CDH23: variants seen among roughly 807,000 people sequenced by gnomAD.
CDH23 encodes cadherin-23.
Under a neutral mutation model 317.1 loss-of-function variants are expected in CDH23, and 189 were observed. The observed-to-expected ratio is 0.60, with a 90% CI of 0.53 to 0.67. The LOEUF (loss-of-function observed/expected upper bound fraction) is 0.67, where lower values mean the gene tolerates loss of function less well. Ranked by LOEUF, CDH23 falls within the 30% of genes least tolerant of loss-of-function variation. CDH23 has a pLI of 0.00. For missense variants in CDH23, 4,401 were observed against 4,592.4 expected (o/e 0.96, Z 1.20); for synonymous variants, 1,839 against 1,876.8 (o/e 0.98, Z 0.52).
At chr10:71,796,045 AGAGGAGGAGGAG>A (rs747095097) in intron 48 of CDH23, 4 of 986,494 alleles carry the variant, frequency 4.1e-6, no homozygotes, top group East Asian at 2.3e-4. Flanking sequence ...GAGAGTAGGA[AGAGGAGGAGGAG>A]GAGGAGGAGG....
At chr10:71,546,487 G>A (rs1027548459) in intron 6 of CDH23, among the ~76,000 whole-genome samples, 6 of 152,192 alleles carry the variant, frequency 3.9e-5, no homozygotes, top group African/African-American at 1.4e-4. Context: ...GGCTCTGGGA[G>A]CCCACAGAAG....
At chr10:71,559,152 C>A (rs749911446) in intron 6 of CDH23, among the ~76,000 whole-genome samples, 7 of 152,312 alleles carry the variant, frequency 4.6e-5, no homozygotes, top group Middle Eastern at 3.4e-3. Flanking sequence ...CTTCAGCTCA[C>A]CCGTCTCCTA....
At chr10:71,692,428 C>T (rs765282388) in intron 20 of CDH23, among the ~76,000 whole-genome samples, 2 of 152,194 alleles carry the variant, frequency 1.3e-5, no homozygotes, top group African/African-American at 2.4e-5. Context: ...CAGGGCTGCT[C>T]CACAGAGGTG....
At position 71,646,067 on chromosome 10, in the gene CDH23, C is replaced by G. The variant is rs575019489; in HGVS notation, c.1290+87C>G. 113 of 1,490,498 alleles carry G rather than the reference C, an allele frequency of 7.6e-5. No homozygotes were observed. In the African/African-American group the frequency reaches 1.3e-3, roughly 18 times the overall value. 92.3% of individuals were successfully genotyped at this position (1,490,498 alleles called of 1,614,324 possible). ...GGTAGGGTAGAAGATTCCCTTAGAT[C>G]CCACCTTCCACTGCTGCCCATCTTC... On this transcript the variant is annotated intron_variant, in intron 13 of 69. Coordinates refer to ENST00000224721, the MANE Select transcript of CDH23 (RefSeq NM_022124.6).
rs561896117 is a variant in CDH23, at chr10:71,397,563, A to G, written c.-6+245A>G. 6.6e-6 allele frequency among the ~76,000 whole-genome samples: 1 copy of G among 151,936 alleles called. No individual in the cohort carries two copies. Among genetic ancestry groups the G allele is most frequent in the Non-Finnish European group, 1.5e-5 (1 of 67,958 alleles). On this transcript the variant is annotated intron_variant, in intron 1 of 69. Coordinates refer to ENST00000224721, the MANE Select transcript of CDH23 (RefSeq NM_022124.6). This position sits in a 1 kb window ranked among gnomAD's most constrained non-coding sequence, Gnocchi z 4.8. ...TTTGATTCCTGGGAACTCGAATTCC[A>G]TTCGCGTTGGCCTTGGGAGGACAGG... is the stretch of plus-strand genomic sequence containing the variant.
At chr10:71,611,259 C>T (rs557680033) in intron 9 of CDH23, among the ~76,000 whole-genome samples, 5 of 152,310 alleles carry the variant, frequency 3.3e-5, no homozygotes, top group South Asian at 4.1e-4. Flanking sequence ...AGTTCCCCTC[C>T]GCACCCACCA....
At chr10:71,667,420 G>A (rs977702099) in intron 14 of CDH23, among the ~76,000 whole-genome samples, 3 of 151,536 alleles carry the variant, frequency 2.0e-5, no homozygotes, top group Non-Finnish European at 2.9e-5. Flanking sequence ...GAGGGGTGGA[G>A]GTGTGGGAGA....
intron 9 of CDH23, among the ~76,000 whole-genome samples, chr10:71,604,884 C>T (rs1178625495): frequency 2.2e-4 from 33 of 152,250 alleles, no homozygotes; most frequent in Admixed American, 2.2e-3. Flanking sequence ...TGAGCAAATT[C>T]CTTCCTTCAT....
At chr10:71,554,098 T>C (rs942028135) in intron 6 of CDH23, among the ~76,000 whole-genome samples, 1 of 152,256 alleles carries the variant, frequency 6.6e-6, no homozygotes, top group Non-Finnish European at 1.5e-5. Context: ...GCCAAAGATT[T>C]ACTGAGCACC....
rs116803085 is a variant in CDH23, at chr10:71,470,720, G to A, written c.145+24325G>A. ...GTTGTCTGGGCTGGTCTAACTCCTG[G>A]GCTGAAGTGATCCTCCCGCCTTGGC... On this transcript the variant is annotated intron_variant, in intron 3 of 69. Coordinates refer to ENST00000224721, the MANE Select transcript of CDH23 (RefSeq NM_022124.6). Among the ~76,000 whole-genome samples, 768 of 152,142 alleles carry A rather than the reference G, an allele frequency of 5.0e-3. 8 individuals carry two copies. Among genetic ancestry groups the A allele is most frequent in the African/African-American group, 0.018 (727 of 41,492 alleles).
chr10:71,408,891 G>A (rs909726328), intron 1 of CDH23, among the ~76,000 whole-genome samples: 5 of 152,232 alleles, frequency 3.3e-5, no homozygotes, highest in Admixed American at 6.5e-5. Flanking sequence ...TCAGAAGTCC[G>A]TGGTACTAAC....
chr10:71,588,923 C>T lies in CDH23; in HGVS notation c.832+10931C>T, dbSNP rs56031530. ...GAGCCAGATGGATTGTCTGCTCATC[C>T]CCCTGCTGCAGGCTGCACTTGGGAT... On this transcript the variant is annotated intron_variant, in intron 9 of 69. Transcript: ENST00000224721. Among the ~76,000 whole-genome samples, 369 of 152,308 alleles carry T rather than the reference C, an allele frequency of 2.4e-3. 3 individuals carry two copies. Among genetic ancestry groups the T allele is most frequent in the African/African-American group, 6.8e-3 (282 of 41,566 alleles).
intron 38 of CDH23, among the ~76,000 whole-genome samples, chr10:71,744,202 G>A (rs1202629619): frequency 6.6e-6 from 1 of 152,156 alleles, no homozygotes; most frequent in East Asian, 1.9e-4. Flanking sequence ...TGAGGAAGAA[G>A]TGGAGAATGG....
Position 71,783,788 on chromosome 10 carries a change from C to T in CDH23, c.5369-499C>T, listed in dbSNP as rs564263238. ...CCTCATCCGTCCCCTTCTGCCTGCCCGGTGCCTGCGCATTCACCATTAGCA... is the reference window on the plus strand; with the variant it reads ...CCTCATCCGTCCCCTTCTGCCTGCCTGGTGCCTGCGCATTCACCATTAGCA... On this transcript the variant is annotated intron_variant, in intron 41 of 69. Coordinates refer to ENST00000224721, the MANE Select transcript of CDH23 (RefSeq NM_022124.6). Among the ~76,000 whole-genome samples, 89 of 152,344 alleles carry T rather than the reference C, an allele frequency of 5.8e-4. No homozygotes were observed. In the Middle Eastern group the frequency reaches 0.031, roughly 52 times the overall value.
intron 6 of CDH23, among the ~76,000 whole-genome samples, chr10:71,562,769 A>AT (rs1219713790): frequency 6.6e-6 from 1 of 152,142 alleles, no homozygotes; most frequent in African/African-American, 2.4e-5. Context: ...CCTCATCTCC[A>AT]TTTTTTCTCC....
intron 7 of CDH23, among the ~76,000 whole-genome samples, chr10:71,570,051 G>A (rs550612765): frequency 2.0e-5 from 3 of 152,162 alleles, no homozygotes; most frequent in East Asian, 1.9e-4. Context: ...CAGATGCATC[G>A]TTGAGGTTTT....
At chr10:71,626,521 A>C (rs925985922) in intron 11 of CDH23, among the ~76,000 whole-genome samples, 1 of 152,192 alleles carries the variant, frequency 6.6e-6, no homozygotes, top group Non-Finnish European at 1.5e-5. Flanking sequence ...GCATCTGCTC[A>C]GTGGGAGAGA....
intron 18 of CDH23, among the ~76,000 whole-genome samples, chr10:71,687,397 T>A (rs543493572): frequency 1.3e-5 from 2 of 152,194 alleles, no homozygotes; most frequent in East Asian, 3.9e-4. Context: ...CACTCCCTCT[T>A]CCTGGGCCTC....
At chr10:71,502,333 A>G (rs1237532299) in intron 3 of CDH23, among the ~76,000 whole-genome samples, 3 of 152,184 alleles carry the variant, frequency 2.0e-5, no homozygotes, top group Non-Finnish European at 4.4e-5. Context: ...GCTGCATGGA[A>G]CCCTGTATTG....
Sources: allele counts gnomAD v4.1 joint callset (sites outside exome capture counted in the v4.1 genomes callset), GRCh38; gene constraint gnomAD v4.1.1; non-coding constraint Gnocchi (gnomAD v3.1); transcripts MANE v1.5; gene names NCBI Gene and HGNC (gene_info 2026-07-23, HGNC 2026-07-21).